The following FOXP1 variants were observed in gnomAD, a reference collection of about 807,000 sequenced individuals.
FOXP1 encodes the protein forkhead box P1.
Under a neutral mutation model 98.2 loss-of-function variants are expected in FOXP1, and 15 were observed. The observed-to-expected ratio is 0.15, with a 90% CI of 0.10 to 0.24. FOXP1 has a LOEUF of 0.24. Ranked by LOEUF, FOXP1 falls within the 10% of genes least tolerant of loss-of-function variation. The pLI is 1.00. For synonymous variants in FOXP1, 371 were observed against 314.5 expected (o/e 1.18, Z -1.90); for missense variants, 633 against 848.5 (o/e 0.75, Z 3.15).
intron 18 of FOXP1, chr3:70,972,037 A>G (rs2036375365): frequency 6.8e-7 from 1 of 1,463,172 alleles, no homozygotes; most frequent in Admixed American, 2.6e-5. Flanking sequence ...CAAAGTTTTC[A>G]TCGGGGCAGT....
chr3:71,091,377 C>A (rs2055822128), intron 7 of FOXP1, among the ~76,000 whole-genome samples: 1 of 152,062 alleles, frequency 6.6e-6, no homozygotes, highest in Non-Finnish European at 1.5e-5. Flanking sequence ...CCAGTAATCC[C>A]AGCTACTTGG....
intron 5 of FOXP1, among the ~76,000 whole-genome samples, chr3:71,272,091 C>T (rs2070420823): frequency 6.6e-6 from 1 of 152,050 alleles, no homozygotes; most frequent in Admixed American, 6.6e-5. Context: ...GGTTCTCTAC[C>T]CACTGGGATT....
At chr3:71,384,394 C>T (rs543894546) in intron 3 of FOXP1, among the ~76,000 whole-genome samples, 43 of 152,224 alleles carry the variant, frequency 2.8e-4, no homozygotes, top group Middle Eastern at 6.8e-3. Context: ...GAGAGAAAAG[C>T]AACGGAAACA....
chr3:71,485,011 G>A (rs1283213817), intron 3 of FOXP1, among the ~76,000 whole-genome samples: 1 of 152,180 alleles, frequency 6.6e-6, no homozygotes, highest in Non-Finnish European at 1.5e-5. Context: ...GGGACTGCTG[G>A]TATGTCAGGT....
At chr3:71,519,063 C>T (rs1014725179) in intron 2 of FOXP1, among the ~76,000 whole-genome samples, 6 of 152,126 alleles carry the variant, frequency 3.9e-5, no homozygotes, top group Non-Finnish European at 8.8e-5. Flanking sequence ...CTGGCCAACA[C>T]GGTGAAACCC....
chr3:71,089,957 T>C (rs2055610190), intron 7 of FOXP1, among the ~76,000 whole-genome samples: 2 of 152,350 alleles, frequency 1.3e-5, no homozygotes, highest in South Asian at 4.1e-4. Flanking sequence ...GTGCTATGTA[T>C]ATTGCTTGAA....
chr3:71,134,904 C>T (rs1328605922), intron 6 of FOXP1, among the ~76,000 whole-genome samples: 2 of 152,172 alleles, frequency 1.3e-5, no homozygotes, highest in Non-Finnish European at 2.9e-5. Context: ...CTGCATAGAA[C>T]TTCCCTTTGA....
intron 11 of FOXP1, among the ~76,000 whole-genome samples, chr3:71,016,373 G>A (rs1044977250): frequency 4.6e-5 from 7 of 152,262 alleles, no homozygotes; most frequent in Middle Eastern, 3.4e-3. Context: ...GCTTTGATCC[G>A]CACCATGTGG....
intron 19 of FOXP1, chr3:70,968,459 T>TGGTTTCATATCAAGC: frequency 6.6e-6 from 1 of 150,988 alleles, no homozygotes; most frequent in Non-Finnish European, 1.5e-5. Context: ...GCACAGCATG[T>TGGTTTCATATCAAGC]GGTTTCATAT....
chr3:71,399,926 T>G (rs1172490466), intron 3 of FOXP1, among the ~76,000 whole-genome samples: 2 of 152,192 alleles, frequency 1.3e-5, no homozygotes, highest in African/African-American at 2.4e-5. Context: ...CCTAGTATGT[T>G]CCACATCAAT....
intron 3 of FOXP1, among the ~76,000 whole-genome samples, chr3:71,383,181 C>T (rs1227235343): frequency 6.6e-6 from 1 of 152,164 alleles, no homozygotes; most frequent in Non-Finnish European, 1.5e-5. Context: ...TGGGCCAGCT[C>T]CAGGTGGCTC....
intron 11 of FOXP1, among the ~76,000 whole-genome samples, chr3:71,040,021 T>G (rs1336151663): frequency 6.6e-6 from 1 of 152,102 alleles, no homozygotes; most frequent in East Asian, 1.9e-4. Context: ...AAAATTTTAG[T>G]TAAAACATAT....
intron 6 of FOXP1, among the ~76,000 whole-genome samples, chr3:71,134,016 C>A (rs1248841489): frequency 2.6e-5 from 4 of 152,112 alleles, no homozygotes; most frequent in South Asian, 2.1e-4. Flanking sequence ...CTTGTTTATT[C>A]CTTTGCCTAT....
At chr3:71,239,697 G>T (rs1560169006) in intron 5 of FOXP1, among the ~76,000 whole-genome samples, 1 of 152,180 alleles carries the variant, frequency 6.6e-6, no homozygotes, top group Admixed American at 6.5e-5. Context: ...TTGAAAGCAT[G>T]TAAAAGCAGG....
intron 14 of FOXP1, among the ~76,000 whole-genome samples, chr3:70,981,520 C>A (rs186757744): frequency 2.0e-5 from 3 of 152,300 alleles, no homozygotes; most frequent in East Asian, 3.9e-4. Flanking sequence ...ATGCTGCATT[C>A]GACTGACCCC....
intron 11 of FOXP1, among the ~76,000 whole-genome samples, chr3:71,036,268 C>T (rs916647746): frequency 2.6e-5 from 4 of 152,108 alleles, no homozygotes; most frequent in Non-Finnish European, 4.4e-5. Flanking sequence ...ATGATGAGAA[C>T]GAGGCAAGGA....
intron 2 of FOXP1, among the ~76,000 whole-genome samples, chr3:71,510,191 TAAA>T (rs2042103741): frequency 6.8e-6 from 1 of 147,266 alleles, no homozygotes; most frequent in African/African-American, 2.5e-5. Context: ...AAAAAATAAA[TAAA>T]TAAGAAGAGT....
chr3:71,549,719 T>G (rs1220001087), intron 2 of FOXP1, among the ~76,000 whole-genome samples: 1 of 152,142 alleles, frequency 6.6e-6, no homozygotes, highest in African/African-American at 2.4e-5. Context: ...ATATTTCAGT[T>G]CACAGGTTAG....
intron 2 of FOXP1, among the ~76,000 whole-genome samples, chr3:71,519,380 G>C (rs968056141): frequency 6.6e-6 from 1 of 152,212 alleles, no homozygotes; most frequent in Non-Finnish European, 1.5e-5. Context: ...AAAAGTACTA[G>C]ACATTAGATT....
Sources: allele counts gnomAD v4.1 joint callset (sites outside exome capture counted in the v4.1 genomes callset), GRCh38; gene constraint gnomAD v4.1.1; transcripts MANE v1.5; gene names NCBI Gene and HGNC (gene_info 2026-07-23, HGNC 2026-07-21).